ABCB5: variants seen among roughly 807,000 people sequenced by gnomAD.
ABCB5 encodes the protein ATP binding cassette subfamily B member 5.
Under a neutral mutation model 144.2 loss-of-function variants are expected in ABCB5, and 155 were observed. The observed-to-expected ratio is 1.08, with a 90% confidence interval of 0.94 to 1.23. The LOEUF is 1.23. Ranked by LOEUF, ABCB5 falls within the 50% of genes most tolerant of loss-of-function variation. ABCB5 has a pLI of 0.00. For synonymous variants in ABCB5, 610 were observed against 528.6 expected (o/e 1.15, Z -2.11); for missense variants, 1,830 against 1,520.8 (o/e 1.20, Z -3.38).
chr7:20,666,063 G>C (rs936249811), intron 14 of ABCB5, among the ~76,000 whole-genome samples: 2 of 151,878 alleles, frequency 1.3e-5, no homozygotes, highest in Admixed American at 6.6e-5. Flanking sequence ...CCAGCTACTT[G>C]AGAGGCTGTG....
intron 20 of ABCB5, among the ~76,000 whole-genome samples, chr7:20,717,621 T>G (rs1408145619): frequency 6.6e-6 from 1 of 151,606 alleles, no homozygotes; most frequent in Non-Finnish European, 1.5e-5. Flanking sequence ...TTATTTTTAG[T>G]AGAGATGAGG....
At chr7:20,685,173 G>T (rs1785954035) in intron 15 of ABCB5, among the ~76,000 whole-genome samples, 1 of 152,078 alleles carries the variant, frequency 6.6e-6, no homozygotes, top group African/African-American at 2.4e-5. Flanking sequence ...TGATTGCTTT[G>T]GAATTTCTTA....
At chr7:20,741,778 C>CCA (rs372067005) in intron 24 of ABCB5, among the ~76,000 whole-genome samples, 1 of 152,016 alleles carries the variant, frequency 6.6e-6, no homozygotes, top group Admixed American at 6.6e-5. Context: ...ATCACTACCA[C>CCA]CACACACACA....
chr7:20,717,672 C>T (rs1347177425), intron 20 of ABCB5, among the ~76,000 whole-genome samples: 1 of 151,774 alleles, frequency 6.6e-6, no homozygotes, highest in Non-Finnish European at 1.5e-5. Flanking sequence ...CTCCTGACCT[C>T]ATGATCTGCC....
intron 16 of ABCB5, among the ~76,000 whole-genome samples, chr7:20,687,390 G>T (rs116040631): frequency 0.011 from 1,702 of 152,322 alleles, 31 homozygotes; most frequent in African/African-American, 0.039. Context: ...CATGGAAACT[G>T]ATAAAATATA....
chr7:20,657,776 T>C (rs1296883083), intron 13 of ABCB5, among the ~76,000 whole-genome samples: 2 of 152,194 alleles, frequency 1.3e-5, no homozygotes, highest in Non-Finnish European at 2.9e-5. Flanking sequence ...GTAAATTTCT[T>C]CAAAAAGCCT....
Position 20,648,027 on chromosome 7 carries a change from T to A in ABCB5, c.1155T>A (p.Thr385=). The A allele has an allele frequency of 6.2e-7, 1 of 1,612,204 alleles. No individual in the cohort carries two copies. The highest frequency in any genetic ancestry group is 8.5e-7 in the Non-Finnish European group (1 of 1,178,652). Residue 385 remains threonine, a synonymous_variant, in exon 11 of 28, where the codon ACT becomes ACA. Coordinates refer to ENST00000404938, the MANE Select transcript of ABCB5 (RefSeq NM_001163941.2). Reference sequence around the variant, plus strand: ...ATAAACCTGAATCCATAGAAGGAACTGTGGAATTTAAAAATGTTTCTTTCA... The same window carrying A: ...ATAAACCTGAATCCATAGAAGGAACAGTGGAATTTAAAAATGTTTCTTTCA... ...AGYKPESIEG[T]VEFKNVSFNY...
In ABCB5 at chr7:20,615,846, A is replaced by T. The variant is rs1783671687; in HGVS notation, c.-22+9A>T. ...GCATCTAAGGAATTAAAGTAAGTCA[A>T]AGCAAAAGTATTAGAGATTATGAAA... On this transcript the variant is annotated intron_variant, in intron 1 of 27. Coordinates refer to ENST00000404938, the MANE Select transcript of ABCB5 (RefSeq NM_001163941.2). The T allele has an allele frequency of 6.6e-6, 1 of 152,462 alleles. No homozygotes were observed. The highest frequency in any genetic ancestry group is 2.1e-4 in the South Asian group (1 of 4,822). 9.4% of individuals were successfully genotyped at this position (152,462 alleles called of 1,614,324 possible).
intron 7 of ABCB5, among the ~76,000 whole-genome samples, chr7:20,644,030 T>G (rs1784351501): frequency 6.6e-6 from 1 of 152,022 alleles, no homozygotes; most frequent in Non-Finnish European, 1.5e-5. Flanking sequence ...AATAAGAAAA[T>G]CCTAAAACAA....
Position 20,753,358 on chromosome 7 carries a change from AG to A in ABCB5, c.3430-1del, listed in dbSNP as rs1419331636. 1.9e-6 allele frequency: 3 copies of A among 1,608,004 alleles called. No homozygotes were observed. Among genetic ancestry groups the A allele is most frequent in the Non-Finnish European group, 2.6e-6 (3 of 1,176,430 alleles). On this transcript the variant is annotated splice_acceptor_variant, in intron 26 of 27. Coordinates refer to ENST00000404938, the MANE Select transcript of ABCB5 (RefSeq NM_001163941.2). LOFTEE classifies it high-confidence loss of function. ...TTTCTTAATTGCATGCTCCTGTGAT[AG>A]AAATACAACACACAAGTTGGACTGA... is the stretch of plus-strand genomic sequence containing the variant.
At chr7:20,689,272 T>C (rs572440957) in intron 16 of ABCB5, among the ~76,000 whole-genome samples, 2 of 152,148 alleles carry the variant, frequency 1.3e-5, no homozygotes, top group Non-Finnish European at 2.9e-5. Flanking sequence ...GAGGCAGGCC[T>C]CAATGGAAAG....
intron 5 of ABCB5, among the ~76,000 whole-genome samples, chr7:20,638,082 T>A (rs1022792777): frequency 6.6e-6 from 1 of 152,148 alleles, no homozygotes; most frequent in Non-Finnish European, 1.5e-5. Context: ...CTCGAGTGTG[T>A]TGTTTTGTTT....
intron 20 of ABCB5, among the ~76,000 whole-genome samples, chr7:20,708,656 C>G (rs1337091881): frequency 6.6e-6 from 1 of 152,128 alleles, no homozygotes; most frequent in African/African-American, 2.4e-5. Context: ...TTTACAAGAG[C>G]AAATGAACTT....
At chr7:20,737,005 C>T (rs1782400068) in intron 23 of ABCB5, among the ~76,000 whole-genome samples, 1 of 152,052 alleles carries the variant, frequency 6.6e-6, no homozygotes, top group African/African-American at 2.4e-5. Context: ...CTGGTCAACA[C>T]AAAAATTAGC....
rs554335657 is a variant in ABCB5, at chr7:20,707,928, C to A, written c.2421+3121C>A. On this transcript the variant is annotated intron_variant, in intron 20 of 27. Transcript: ENST00000404938. ...ACGCCATTCTCCTGCCTCAGCCTCC[C>A]GAGTAGCTGGGACTACAGGTGCCTG... Among the ~76,000 whole-genome samples the A allele has an allele frequency of 3.3e-5, 5 of 151,088 alleles. No homozygotes were observed. In the South Asian group the frequency reaches 1.0e-3, roughly 32 times the overall value.
At chr7:20,648,171 T>G (rs1784471019) in intron 11 of ABCB5, 93 bp downstream of exon 11, 1 of 782,954 alleles carries the variant, frequency 1.3e-6, no homozygotes, top group East Asian at 2.7e-5. Context: ...AGGATCACTT[T>G]TTTCCAAGAT....
At chr7:20,627,062 A>T (rs1174562400) in intron 3 of ABCB5, among the ~76,000 whole-genome samples, 3 of 152,146 alleles carry the variant, frequency 2.0e-5, no homozygotes, top group Non-Finnish European at 2.9e-5. Context: ...TTATCTAAGA[A>T]TTTTTTAAAG....
intron 11 of ABCB5, among the ~76,000 whole-genome samples, chr7:20,648,720 G>T (rs1296489088): frequency 6.6e-6 from 1 of 152,196 alleles, no homozygotes; most frequent in Non-Finnish European, 1.5e-5. Flanking sequence ...GATTTTAAGT[G>T]AAATAGATAA....
At chr7:20,738,289 T>A (rs1052523100) in intron 23 of ABCB5, among the ~76,000 whole-genome samples, 2 of 152,218 alleles carry the variant, frequency 1.3e-5, no homozygotes, top group African/African-American at 4.8e-5. Context: ...TATTTAACCA[T>A]GGTCAGGTCC....
Sources: gnomAD v4.1 joint callset for allele counts (sites outside exome capture counted in the v4.1 genomes callset) on GRCh38, gnomAD v4.1.1 for gene constraint, MANE v1.5 for transcripts, NCBI Gene and HGNC (gene_info 2026-07-23, HGNC 2026-07-21) for gene names.